MYH15: variants seen among roughly 807,000 people sequenced by gnomAD.
MYH15 encodes myosin heavy chain 15, also known as myosin-15.
MYH15 carries 227 observed loss-of-function variants against 240.5 expected under a neutral mutation model. The ratio of observed to expected loss-of-function variants is 0.94; its 90% CI spans 0.85 to 1.05. The LOEUF is 1.05. Ranked by LOEUF, MYH15 falls within the 50% of genes least tolerant of loss-of-function variation. The pLI is 0.00. For synonymous variants in MYH15, 785 were observed against 796.7 expected, an observed-to-expected ratio of 0.99 and a Z score of 0.25; for missense variants, 2,217 against 2,247.5, an observed-to-expected ratio of 0.99 and a Z score of 0.27.
rs1466767125 is a variant in MYH15, at chr3:108,493,165, T to G, written c.724A>C (p.Arg242=). Residue 242 remains arginine (R), a synonymous_variant, in exon 8 of 41, where the codon AGG becomes CGG. Transcript: ENST00000693548. Reference sequence around the variant, plus strand: ...ATGCCTCTGGCACCAAAGTGCATCCTGATGAATTTGCCCTAGTGTGGACAC... The same window carrying G: ...ATGCCTCTGGCACCAAAGTGCATCCGGATGAATTTGCCCTAGTGTGGACAC... ...DNSSRFGKFI[R]MHFGARGMLS... is the part of the protein sequence containing the mutation. 3.7e-6 allele frequency: 6 copies of G among 1,614,012 alleles called. No individual in the cohort carries two copies. The highest frequency in any genetic ancestry group is 5.1e-6 in the Non-Finnish European group (6 of 1,179,986).
At chr3:108,547,951 T>C in the MYH15 span, among the ~76,000 whole-genome samples, 13 of 152,252 alleles carry the variant, frequency 8.5e-5, no homozygotes, top group Non-Finnish European at 1.6e-4. Flanking sequence ...CTACTTTGTA[T>C]TGGTGCATGC....
At chr3:108,426,821 G>A (rs760820905) in intron 27 of MYH15, among the ~76,000 whole-genome samples, 24 of 152,194 alleles carry the variant, frequency 1.6e-4, no homozygotes, top group Admixed American at 2.0e-4. Flanking sequence ...CCAGGGGGGG[G>A]CAGTGCTACA....
At chr3:108,440,899 G>T in intron 23 of MYH15, 119 bp downstream of exon 23, 1 of 1,225,720 alleles carries the variant, frequency 8.2e-7, no homozygotes. Context: ...TCTCAATGCT[G>T]TAAAGTTGCA....
rs750690441 is a variant in MYH15 at position 108,464,599 on chromosome 3, T to C, written c.1731+39A>G. Reference sequence around the variant, plus strand: ...TTGGCTGAGCGCATTTGAAACAAAGTCAGGAAAATTCAAGACCGGGGGTCC... The same window carrying C: ...TTGGCTGAGCGCATTTGAAACAAAGCCAGGAAAATTCAAGACCGGGGGTCC... On this transcript the variant is annotated intron_variant, in intron 15 of 40. Coordinates refer to ENST00000693548, the MANE Select transcript of MYH15 (RefSeq NM_014981.3). The C allele has an allele frequency of 5.2e-6, 8 of 1,551,658 alleles. No individual in the cohort carries two copies. The Admixed American group carries it at 1.6e-4, about 31-fold the overall frequency.
At chr3:108,388,748 C>T (rs1432992321) in intron 38 of MYH15, among the ~76,000 whole-genome samples, 1 of 152,202 alleles carries the variant, frequency 6.6e-6, no homozygotes, top group Non-Finnish European at 1.5e-5. Context: ...CTAATTGCAA[C>T]TTGCCCCTCA....
intron 37 of MYH15, 30 bp from the exon 38 acceptor site, chr3:108,389,104 C>G: frequency 6.3e-7 from 1 of 1,589,506 alleles, no homozygotes; most frequent in Non-Finnish European, 8.6e-7. Flanking sequence ...TCAGACCAGA[C>G]GCTGCCACCA....
At chr3:108,460,131 C>A (rs1457858138) in intron 17 of MYH15, among the ~76,000 whole-genome samples, 169 bp downstream of exon 17, 1 of 152,144 alleles carries the variant, frequency 6.6e-6, no homozygotes, top group African/African-American at 2.4e-5. Flanking sequence ...TAAGTGGGAA[C>A]AAACAGTGTC....
chr3:108,442,346 T>C (rs1345133457), intron 22 of MYH15, among the ~76,000 whole-genome samples: 1 of 151,966 alleles, frequency 6.6e-6, no homozygotes, highest in Non-Finnish European at 1.5e-5. Flanking sequence ...GAGAGAGGTA[T>C]AGAATAATAA....
At position 108,388,993 on chromosome 3, in the gene MYH15, A is replaced by T. The variant is rs956633840; in HGVS notation, c.5512T>A (p.Cys1838Ser). 3 of 1,613,600 alleles carry T rather than the reference A, an allele frequency of 1.9e-6. No individual in the cohort carries two copies. The highest frequency in any genetic ancestry group is 2.5e-6 in the Non-Finnish European group (3 of 1,179,766). Residue 1838 changes from cysteine to serine, a missense_variant, in exon 38 of 41, where the codon TGC (cysteine) becomes AGC (serine). Physicochemically the swap from Cys to Ser is moderately radical, Grantham distance 112. Transcript: ENST00000693548. ...AQRGARRLER[C>S]IKELTYQAEE... is the part of the protein sequence containing the mutation. ...ACCTGATAGGTCAGCTCTTTGATGCATCGCTCAAGTCTGCGGGCTCCCCTC... is the reference window on the plus strand; with the variant it reads ...ACCTGATAGGTCAGCTCTTTGATGCTTCGCTCAAGTCTGCGGGCTCCCCTC...
intron 18 of MYH15, 50 bp downstream of exon 18, chr3:108,459,312 A>G (rs1560388597): frequency 8.7e-7 from 1 of 1,146,566 alleles, no homozygotes; most frequent in East Asian, 2.5e-5. Flanking sequence ...CAATATAGCT[A>G]ATATCAAATC....
At chr3:108,542,746 C>T in the MYH15 span, among the ~76,000 whole-genome samples, 10 of 150,698 alleles carry the variant, frequency 6.6e-5, no homozygotes, top group Admixed American at 3.3e-4. Flanking sequence ...TTGTTCCCCA[C>T]GTGTCCATGT....
chr3:108,458,732 T>G (rs976510184), intron 18 of MYH15, among the ~76,000 whole-genome samples: 2 of 151,330 alleles, frequency 1.3e-5, no homozygotes, highest in Non-Finnish European at 2.9e-5. Context: ...GTAAAACCCT[T>G]GTTTGGGGAA....
intron 15 of MYH15, 135 bp downstream of exon 15, chr3:108,464,503 T>C: frequency 1.1e-6 from 1 of 915,090 alleles, no homozygotes; most frequent in East Asian, 2.6e-5. Context: ...CTACCTTTTT[T>C]GTGGAACTGA....
chr3:108,452,146 G>C (rs1387273285), intron 21 of MYH15, among the ~76,000 whole-genome samples: 1 of 152,092 alleles, frequency 6.6e-6, no homozygotes, highest in East Asian at 1.9e-4. Context: ...ATACATTGCT[G>C]GTGGAGAGTA....
intron 21 of MYH15, among the ~76,000 whole-genome samples, chr3:108,447,258 A>G (rs571930044): frequency 8.3e-4 from 127 of 152,182 alleles, no homozygotes; most frequent in Admixed American, 9.8e-4. Context: ...TATACACATT[A>G]TGGGAGTTAC....
intron 21 of MYH15, among the ~76,000 whole-genome samples, chr3:108,445,949 C>A (rs1385149881): frequency 1.3e-5 from 2 of 151,998 alleles, no homozygotes; most frequent in East Asian, 1.9e-4. Flanking sequence ...GGAAAAAAAA[C>A]TAGTGAATTG....
intron 1 of MYH15, among the ~76,000 whole-genome samples, chr3:108,519,163 A>T (rs762875802): frequency 6.6e-6 from 1 of 152,182 alleles, no homozygotes; most frequent in Non-Finnish European, 1.5e-5. Context: ...TACAGGCAAC[A>T]TGTCCTTGGT....
chr3:108,446,341 G>A (rs1272053484), intron 21 of MYH15, among the ~76,000 whole-genome samples: 1 of 152,154 alleles, frequency 6.6e-6, no homozygotes, highest in African/African-American at 2.4e-5. Flanking sequence ...GCCTGAATGT[G>A]CACTGAAACT....
chr3:108,411,883 C>T (rs2082596043), intron 30 of MYH15, among the ~76,000 whole-genome samples: 1 of 152,186 alleles, frequency 6.6e-6, no homozygotes, highest in Non-Finnish European at 1.5e-5. Flanking sequence ...CCCCTATGTG[C>T]TCAGGATCCA....
Sources: allele counts gnomAD v4.1 joint callset (sites outside exome capture counted in the v4.1 genomes callset), GRCh38; gene constraint gnomAD v4.1.1; transcripts MANE v1.5; gene names NCBI Gene and HGNC (gene_info 2026-07-23, HGNC 2026-07-21).